OR2C1: variants seen among roughly 807,000 people sequenced by gnomAD.
OR2C1 encodes the protein olfactory receptor family 2 subfamily C member 1.
For synonymous variants in OR2C1, 209 were observed against 167.3 expected (o/e 1.25, Z -1.92); for missense variants, 468 against 388.3 (o/e 1.21, Z -1.73).
At chr16:3,330,512 G>A in the OR2C1 span, among the ~76,000 whole-genome samples, 2 of 152,118 alleles carry the variant, frequency 1.3e-5, no homozygotes, top group East Asian at 1.9e-4. Context: ...GGAGAGTCCA[G>A]AAATAGACCC....
At position 3,356,776 on chromosome 16, in the gene OR2C1, C is replaced by A. The variant is rs200246812; in HGVS notation, c.836C>A (p.Ser279Ter). 6.2e-7 allele frequency: 1 copy of A among 1,614,122 alleles called. No individual in the cohort carries two copies. Among genetic ancestry groups the A allele is most frequent in the Non-Finnish European group, 8.5e-7 (1 of 1,180,034 alleles). ...GGCAAGTTCATTTCCCTGTTCTACT[C>A]GTTGGTCACACCCATGGTGAATCCC... ...DQGKFISLFY[S>*]LVTPMVNPLI... The change falls in exon 1 of 1, where the codon TCG (serine) becomes TAG (stop). Residue 279 changes from serine to a stop codon, truncating the protein, a stop_gained. Coordinates refer to ENST00000304936, the MANE Select transcript of OR2C1 (RefSeq NM_012368.3). LOFTEE classifies it low-confidence loss of function (END_TRUNC).
the OR2C1 span, among the ~76,000 whole-genome samples, chr16:3,336,816 C>A: frequency 6.9e-6 from 1 of 145,620 alleles, no homozygotes; most frequent in Non-Finnish European, 1.5e-5. Context: ...TCAAGCGATT[C>A]TTCTTCTTCA....
chr16:3,333,888 G>A, the OR2C1 span, among the ~76,000 whole-genome samples: 2 of 152,006 alleles, frequency 1.3e-5, no homozygotes, highest in South Asian at 2.1e-4. Flanking sequence ...TGAGAGACAG[G>A]GGGCTAGTTT....
chr16:3,333,485 A>G, the OR2C1 span, among the ~76,000 whole-genome samples: 3 of 151,690 alleles, frequency 2.0e-5, no homozygotes, highest in African/African-American at 4.8e-5. Context: ...ACAGGCACCC[A>G]CTACCGCGCC....
upstream of OR2C1, among the ~76,000 whole-genome samples, chr16:3,355,457 CAA>C (rs56022625): frequency 6.6e-5 from 3 of 45,496 alleles, no homozygotes; most frequent in Non-Finnish European, 7.9e-5. Context: ...GACTCTGTCT[CAA>C]AAAAAAAAAA....
At chr16:3,327,763 CTAA>C in the OR2C1 span, among the ~76,000 whole-genome samples, 1 of 152,100 alleles carries the variant, frequency 6.6e-6, no homozygotes, top group East Asian at 1.9e-4. Context: ...GAACAAAAAA[CTAA>C]TAATAATTAC....
chr16:3,342,653 G>C, the OR2C1 span, among the ~76,000 whole-genome samples: 7 of 152,306 alleles, frequency 4.6e-5, no homozygotes, highest in South Asian at 2.1e-4. Flanking sequence ...GCTGAGGTGG[G>C]TGGATCATGA....
upstream of OR2C1, among the ~76,000 whole-genome samples, chr16:3,355,726 G>A (rs2030655039): frequency 6.6e-6 from 1 of 152,126 alleles, no homozygotes; most frequent in South Asian, 2.1e-4. Flanking sequence ...AGGTTGCAGT[G>A]AGCTGAGATT....
chr16:3,338,405 C>A, the OR2C1 span, among the ~76,000 whole-genome samples: 1 of 151,956 alleles, frequency 6.6e-6, no homozygotes, highest in South Asian at 2.1e-4. Context: ...AGTGTAGAAA[C>A]CATGAGTTAG....
the OR2C1 span, among the ~76,000 whole-genome samples, chr16:3,325,399 A>G: frequency 0.33 from 49,697 of 149,376 alleles, 9,764 homozygotes; most frequent in African/African-American, 0.53. Flanking sequence ...GATTACAAGT[A>G]TGAGCCATCA....
At chr16:3,339,345 A>G in the OR2C1 span, among the ~76,000 whole-genome samples, 11 of 150,182 alleles carry the variant, frequency 7.3e-5, no homozygotes, top group East Asian at 1.8e-3. Context: ...ATGTTTGAGT[A>G]CCTGTTTTCA....
the OR2C1 span, among the ~76,000 whole-genome samples, chr16:3,343,836 C>A: frequency 6.6e-6 from 1 of 152,182 alleles, no homozygotes; most frequent in Non-Finnish European, 1.5e-5. Flanking sequence ...TTAAGGATTT[C>A]TGTTCAATAA....
At chr16:3,331,288 C>T in the OR2C1 span, among the ~76,000 whole-genome samples, 1 of 151,998 alleles carries the variant, frequency 6.6e-6, no homozygotes, top group East Asian at 1.9e-4. Context: ...TGGATATCAG[C>T]CCTTTGTCAG....
At chr16:3,333,876 G>A in the OR2C1 span, among the ~76,000 whole-genome samples, 2,651 of 152,120 alleles carry the variant, frequency 0.017, 82 homozygotes, top group African/African-American at 0.06. Context: ...TTTTGTATAT[G>A]GTGAGAGACA....
rs147298459 is a variant in OR2C1 at position 3,356,198 on chromosome 16, G to C, written c.258G>C (p.Trp86Cys). 8 of 1,614,070 alleles carry C rather than the reference G, an allele frequency of 5.0e-6. No homozygotes were observed. The highest frequency in any genetic ancestry group is 5.9e-6 in the Non-Finnish European group (7 of 1,180,052). Reference protein sequence around the residue: ...SSVPQMLINLWGPGKTISYGG... With the variant: ...SSVPQMLINLCGPGKTISYGG... ...TCCCCCAAATGCTGATCAATTTATG[G>C]GGACCAGGCAAGACCATCAGCTATG... is the stretch of plus-strand genomic sequence containing the variant. The change falls in exon 1 of 1, where the codon TGG becomes TGC. Residue 86 changes from tryptophan to cysteine, a missense_variant. By Grantham distance (215) the Trp-to-Cys change is radical (BLOSUM62 -2). Coordinates refer to ENST00000304936, the MANE Select transcript of OR2C1 (RefSeq NM_012368.3).
At chr16:3,325,281 C>T in the OR2C1 span, among the ~76,000 whole-genome samples, 1 of 151,718 alleles carries the variant, frequency 6.6e-6, no homozygotes, top group African/African-American at 2.4e-5. Context: ...TGTGCCCAGC[C>T]TATTTACTTA....
the OR2C1 span, among the ~76,000 whole-genome samples, chr16:3,328,376 C>A: frequency 6.6e-6 from 1 of 152,212 alleles, no homozygotes; most frequent in Admixed American, 6.5e-5. Flanking sequence ...GACAAAAATT[C>A]ATTCTGTTCT....
the OR2C1 span, among the ~76,000 whole-genome samples, chr16:3,345,479 C>G: frequency 7.5e-5 from 6 of 80,364 alleles, no homozygotes; most frequent in Non-Finnish European, 1.5e-4. Flanking sequence ...GAGTGAGACT[C>G]TGTCTCAAAA....
chr16:3,347,879 T>A, the OR2C1 span, among the ~76,000 whole-genome samples: 1 of 6,630 alleles, frequency 1.5e-4, no homozygotes, highest in Non-Finnish European at 3.6e-4. Context: ...CACACGCACA[T>A]GCACACATGC....
Sources: gnomAD v4.1 joint callset for allele counts (sites outside exome capture counted in the v4.1 genomes callset) on GRCh38, gnomAD v4.1.1 for gene constraint, MANE v1.5 for transcripts, NCBI Gene and HGNC (gene_info 2026-07-23, HGNC 2026-07-21) for gene names.